The following PRKAR2B variants were observed in gnomAD, a reference collection of about 807,000 sequenced individuals.
The protein encoded by PRKAR2B is cAMP-dependent protein kinase type II-beta regulatory subunit.
A neutral mutation model predicts 49.9 loss-of-function variants in PRKAR2B; 14 were observed. The observed-to-expected ratio is 0.28, with a 90% CI of 0.19 to 0.44. The LOEUF is 0.44. PRKAR2B is among the 20% of genes least tolerant of loss of function. The probability of loss-of-function intolerance (pLI) is 1.00; values close to 1 mark genes in which losing one functional copy is unlikely to be tolerated. For missense variants in PRKAR2B, 393 were observed against 537.9 expected (o/e 0.73, Z 2.67); for synonymous variants, 196 against 197.7 (o/e 0.99, Z 0.07).
chr7:107,159,755 C>T lies in PRKAR2B; in HGVS notation c.*173C>T, dbSNP rs1796164197. ...TGATTTAATAGTCAATAGGCTTTAA[C>T]ATCACTTTCTAAAGAGTAGTTCATA... On this transcript the variant is annotated 3_prime_UTR_variant, in exon 11 of 11. Transcript: ENST00000265717. 1.8e-6 allele frequency: 1 copy of T among 550,662 alleles called. No homozygotes were observed. Among genetic ancestry groups the T allele is most frequent in the Non-Finnish European group, 3.0e-6 (1 of 334,238 alleles). 34.1% of individuals were successfully genotyped at this position (550,662 alleles called of 1,614,324 possible). A position where few individuals can be genotyped will look rare whatever the true frequency, so the allele number is the denominator to read the frequency against.
intron 1 of PRKAR2B, among the ~76,000 whole-genome samples, chr7:107,065,368 G>A (rs1350354934): frequency 7.8e-6 from 1 of 127,632 alleles, no homozygotes; most frequent in African/African-American, 3.0e-5. Flanking sequence ...GTGTGTGTGT[G>A]TGTGTGTGTT....
At position 107,126,420 on chromosome 7, in the gene PRKAR2B, C is replaced by CAAAAAAAAAAAA. The variant is rs35682952; in HGVS notation, c.397-1780_397-1769dup. Among the ~76,000 whole-genome samples the CAAAAAAAAAAAA allele has an allele frequency of 7.0e-4, 27 of 38,398 alleles. 2 individuals are homozygous for CAAAAAAAAAAAA. The highest frequency in any genetic ancestry group is 2.5e-3 in the African/African-American group (24 of 9,540). The allele number at this position is 38,398 out of a possible 152,430, so 25.2% of individuals were successfully genotyped here. A position where few individuals can be genotyped will look rare whatever the true frequency, so the allele number is the denominator to read the frequency against. On this transcript the variant is annotated intron_variant, in intron 3 of 10. Transcript: ENST00000265717. ...TGGGCAACAGAGTGAGAATCTGTCTCAAAAAAAAAAAAAAAAAAAAAAAGT... is the reference window on the plus strand; with the variant it reads ...TGGGCAACAGAGTGAGAATCTGTCTCAAAAAAAAAAAAAAAAAAAAAAAAAAAAAAAAAAAGT...
At chr7:107,112,003 CAAAAA>C (rs71134251) in intron 2 of PRKAR2B, among the ~76,000 whole-genome samples, 3 of 46,148 alleles carry the variant, frequency 6.5e-5, no homozygotes, top group African/African-American at 1.9e-4. Context: ...CCTCCTCTAC[CAAAAA>C]AAAAAAAAAA....
Position 107,121,031 on chromosome 7 carries a change from T to TA in PRKAR2B, c.344-915dup, listed in dbSNP as rs1795377096. 5.3e-5 allele frequency among the ~76,000 whole-genome samples: 8 copies of TA among 151,044 alleles called. No individual in the cohort carries two copies. The South Asian group carries it at 1.2e-3, about 24-fold the overall frequency. On this transcript the variant is annotated intron_variant, in intron 2 of 10. Coordinates refer to ENST00000265717, the MANE Select transcript of PRKAR2B (RefSeq NM_002736.3). ...AAATTCAAACTATTTAATAATTTTT[T>TA]AAAAAATTTTAAATTATTTATTTAA... is the stretch of plus-strand genomic sequence containing the variant.
intron 2 of PRKAR2B, among the ~76,000 whole-genome samples, chr7:107,118,281 T>C (rs530602286): frequency 6.6e-6 from 1 of 152,204 alleles, no homozygotes; most frequent in African/African-American, 2.4e-5. Flanking sequence ...TTGGACAAAT[T>C]GTGTAGGACA....
chr7:107,093,389 G>T (rs969792926), intron 2 of PRKAR2B, among the ~76,000 whole-genome samples: 8 of 151,924 alleles, frequency 5.3e-5, no homozygotes, highest in Admixed American at 3.3e-4. Context: ...TGTTATTTTG[G>T]TTTTTTGATA....
At chr7:107,047,471 G>A (rs1225703934) in intron 1 of PRKAR2B, among the ~76,000 whole-genome samples, 2 of 151,404 alleles carry the variant, frequency 1.3e-5, no homozygotes, top group African/African-American at 4.9e-5. Flanking sequence ...CACCTTCTGA[G>A]GGTTGCGGTT....
chr7:107,117,785 C>T (rs575646513), intron 2 of PRKAR2B, among the ~76,000 whole-genome samples: 1 of 152,226 alleles, frequency 6.6e-6, no homozygotes, highest in East Asian at 1.9e-4. Flanking sequence ...CCACAATATG[C>T]GAAGTCAGTA....
At chr7:107,052,589 C>T (rs1793829495) in intron 1 of PRKAR2B, among the ~76,000 whole-genome samples, 1 of 152,148 alleles carries the variant, frequency 6.6e-6, no homozygotes, top group Non-Finnish European at 1.5e-5. Flanking sequence ...AAGGTTTGAA[C>T]CTGGTAATCT....
intron 1 of PRKAR2B, among the ~76,000 whole-genome samples, chr7:107,060,658 T>C (rs972337951): frequency 5.0e-5 from 7 of 140,558 alleles, no homozygotes; most frequent in Non-Finnish European, 9.4e-5. Context: ...CTTCCTTTAA[T>C]GTTCTGGCTA....
intron 4 of PRKAR2B, among the ~76,000 whole-genome samples, chr7:107,138,560 T>A (rs1795739447): frequency 6.8e-6 from 1 of 146,948 alleles, no homozygotes; most frequent in Admixed American, 6.8e-5. Flanking sequence ...AGACTACTCA[T>A]TTTTTTGAGA....
chr7:107,073,302 A>G (rs1002191468), intron 2 of PRKAR2B, among the ~76,000 whole-genome samples: 8 of 149,240 alleles, frequency 5.4e-5, no homozygotes, highest in African/African-American at 7.7e-5. Flanking sequence ...TATTTGTGCT[A>G]TAGTCTCTCG....
At chr7:107,102,434 C>G (rs867857310) in intron 2 of PRKAR2B, among the ~76,000 whole-genome samples, 27 of 152,172 alleles carry the variant, frequency 1.8e-4, no homozygotes, top group African/African-American at 5.8e-4. Flanking sequence ...TTGGGCCACT[C>G]TGCCTGTGGG....
intron 2 of PRKAR2B, among the ~76,000 whole-genome samples, chr7:107,114,517 A>G (rs1679461596): frequency 7.0e-6 from 1 of 143,016 alleles, no homozygotes; most frequent in East Asian, 2.0e-4. Context: ...ACGCACCACC[A>G]TGCCCGGTTA....
chr7:107,081,591 C>T (rs1353688416), intron 2 of PRKAR2B, among the ~76,000 whole-genome samples: 4 of 152,062 alleles, frequency 2.6e-5, no homozygotes, highest in African/African-American at 7.2e-5. Flanking sequence ...TCTTGTCTTC[C>T]CTTTACCAGT....
chr7:107,090,747 T>C (rs1219480554), intron 2 of PRKAR2B, among the ~76,000 whole-genome samples: 1 of 152,216 alleles, frequency 6.6e-6, no homozygotes, highest in Admixed American at 6.5e-5. Context: ...TTTCACCACC[T>C]GCTGTGCAAC....
At chr7:107,081,074 A>C (rs1292661882) in intron 2 of PRKAR2B, among the ~76,000 whole-genome samples, 1 of 152,210 alleles carries the variant, frequency 6.6e-6, no homozygotes, top group Admixed American at 6.5e-5. Context: ...TAACCTGATA[A>C]AAACACCATA....
chr7:107,101,875 C>CTTTT (rs10589473), intron 2 of PRKAR2B, among the ~76,000 whole-genome samples: 1 of 94,256 alleles, frequency 1.1e-5, no homozygotes, highest in Non-Finnish European at 2.0e-5. Flanking sequence ...AGCCCTGATC[C>CTTTT]TTTTTTTTTT....
intron 4 of PRKAR2B, among the ~76,000 whole-genome samples, chr7:107,139,319 A>G (rs548475996): frequency 9.2e-5 from 14 of 152,298 alleles, no homozygotes; most frequent in Admixed American, 5.2e-4. Flanking sequence ...CCTAAGTCCT[A>G]CCAAATGAAG....
Sources: gnomAD v4.1 joint callset for allele counts (sites outside exome capture counted in the v4.1 genomes callset) on GRCh38, gnomAD v4.1.1 for gene constraint, MANE v1.5 for transcripts, NCBI Gene and HGNC (gene_info 2026-07-23, HGNC 2026-07-21) for gene names.